The following SPECC1L variants were observed in gnomAD, a reference collection of about 807,000 sequenced individuals.
SPECC1L encodes the protein cytospin-A.
In SPECC1L, 40 loss-of-function variants were observed where a neutral mutation model predicts 116.8. The ratio of observed to expected loss-of-function variants is 0.34; its 90% CI spans 0.27 to 0.45. SPECC1L has a LOEUF of 0.45. SPECC1L is among the 20% of genes least tolerant of loss of function. The pLI, the probability that SPECC1L is intolerant of heterozygous loss-of-function variation, is 1.00. For missense variants in SPECC1L, 1,110 were observed against 1,373.6 expected (o/e 0.81, Z 3.03); for synonymous variants, 504 against 500.6 (o/e 1.01, Z -0.09).
rs765402107 is a variant in SPECC1L at position 24,340,140 on chromosome 22, C to CTTTTTT, written c.2652+1684_2652+1689dup. Among the ~76,000 whole-genome samples, 20 of 105,140 alleles carry CTTTTTT rather than the reference C, an allele frequency of 1.9e-4. 1 individual carries two copies. The highest frequency in any genetic ancestry group is 5.5e-4 in the African/African-American group (12 of 21,728). 69.0% of individuals were successfully genotyped at this position (105,140 alleles called of 152,430 possible). A position where few individuals can be genotyped will look rare whatever the true frequency, so the allele number is the denominator to read the frequency against. On this transcript the variant is annotated intron_variant, in intron 10 of 16. Transcript: ENST00000314328. ...AATACTGTTCCACCAATTTAATGAC[C>CTTTTTT]TTTTTTTTTTTTTTTTTTTTTTTTT...
chr22:24,366,382 A>G (rs2041766920), intron 13 of SPECC1L, among the ~76,000 whole-genome samples: 1 of 151,908 alleles, frequency 6.6e-6, no homozygotes, highest in Non-Finnish European at 1.5e-5. Context: ...TTTAGTAGAG[A>G]TGGGGTTTCA....
intron 6 of SPECC1L, 104 bp downstream of exon 6, chr22:24,324,531 C>A: frequency 9.5e-7 from 1 of 1,057,624 alleles, no homozygotes; most frequent in Non-Finnish European, 1.4e-6. Flanking sequence ...TGGCTCATGC[C>A]TGTAATTCCA....
At chr22:24,317,160 C>A (rs1454767958) in intron 4 of SPECC1L, among the ~76,000 whole-genome samples, 1 of 94,234 alleles carries the variant, frequency 1.1e-5, no homozygotes, top group African/African-American at 4.2e-5. Context: ...CCCTCCCGGA[C>A]GGGGCGGCTG....
At chr22:24,331,054 A>C (rs1030736057) in intron 8 of SPECC1L, among the ~76,000 whole-genome samples, 5 of 152,208 alleles carry the variant, frequency 3.3e-5, no homozygotes, top group South Asian at 2.1e-4. Context: ...TAATTGCATG[A>C]ATCTCCACAG....
At chr22:24,393,092 A>G (rs1038950656) in intron 14 of SPECC1L, among the ~76,000 whole-genome samples, 2 of 152,232 alleles carry the variant, frequency 1.3e-5, no homozygotes, top group Non-Finnish European at 2.9e-5. Context: ...TTGTCAAGGC[A>G]GTTACAAGGG....
At chr22:24,414,050 C>A (rs531926592) in intron 16 of SPECC1L, among the ~76,000 whole-genome samples, 1 of 152,174 alleles carries the variant, frequency 6.6e-6, no homozygotes, top group Non-Finnish European at 1.5e-5. Flanking sequence ...AGGTCACTGG[C>A]GTTCAGCAGA....
chr22:24,276,731 T>C lies in SPECC1L; in HGVS notation c.-110T>C, dbSNP rs1451751077. 1.3e-5 allele frequency: 6 copies of C among 453,230 alleles called. No homozygotes were observed. Among genetic ancestry groups the C allele is most frequent in the South Asian group, 9.3e-5 (6 of 64,342 alleles). The allele number at this position is 453,230 out of a possible 1,614,324, so 28.1% of individuals were successfully genotyped here. A position where few individuals can be genotyped will look rare whatever the true frequency, so the allele number is the denominator to read the frequency against. ...TGGGGAAGATCCCGACTAAGCCATT[T>C]TCCAGTGGCACCTCTTCCATCATGA... On this transcript the variant is annotated 5_prime_UTR_variant, in exon 2 of 17. Coordinates refer to ENST00000314328, the MANE Select transcript of SPECC1L (RefSeq NM_015330.6).
At chr22:24,386,986 G>A (rs1012095766) in intron 14 of SPECC1L, among the ~76,000 whole-genome samples, 7 of 152,126 alleles carry the variant, frequency 4.6e-5, no homozygotes, top group Non-Finnish European at 5.9e-5. Context: ...GACACAGAAA[G>A]CCTGATTTAA....
chr22:24,361,668 C>A (rs1279872286), intron 11 of SPECC1L, among the ~76,000 whole-genome samples: 1 of 151,794 alleles, frequency 6.6e-6, no homozygotes, highest in Non-Finnish European at 1.5e-5. Flanking sequence ...TGGTGGCTCA[C>A]ACCTGTAGTC....
chr22:24,323,216 C>A, intron 5 of SPECC1L: 1 of 623,442 alleles, frequency 1.6e-6, no homozygotes, highest in Non-Finnish European at 2.0e-6. Context: ...TCCTATGGAG[C>A]GGGTCATGAA....
chr22:24,302,393 G>A lies in SPECC1L; in HGVS notation c.153+9G>A, dbSNP rs573795965. 8 of 1,613,798 alleles carry A rather than the reference G, an allele frequency of 5.0e-6. No homozygotes were observed. The highest frequency in any genetic ancestry group is 6.8e-6 in the Non-Finnish European group (8 of 1,179,890). ...CAGCATCATTGTCAAAGGTATTCATGTGATGTTTGAATACATGATGGGTTT... is the reference window on the plus strand; with the variant it reads ...CAGCATCATTGTCAAAGGTATTCATATGATGTTTGAATACATGATGGGTTT... On this transcript the variant is annotated intron_variant, in intron 3 of 16. Transcript: ENST00000314328.
intron 4 of SPECC1L, among the ~76,000 whole-genome samples, chr22:24,320,757 G>A (rs1478982021): frequency 6.6e-6 from 1 of 152,158 alleles, no homozygotes; most frequent in Non-Finnish European, 1.5e-5. Flanking sequence ...AAACTATTTT[G>A]CATTTACTTT....
chr22:24,375,235 T>A (rs2041949308), intron 14 of SPECC1L, among the ~76,000 whole-genome samples: 1 of 152,198 alleles, frequency 6.6e-6, no homozygotes, highest in Admixed American at 6.5e-5. Flanking sequence ...TACTGGTTAA[T>A]TCTTCCAAAT....
intron 2 of SPECC1L, among the ~76,000 whole-genome samples, chr22:24,299,884 C>T (rs1209826905): frequency 6.6e-6 from 1 of 152,120 alleles, no homozygotes; most frequent in Non-Finnish European, 1.5e-5. Context: ...TAGCCAGCCT[C>T]TATACTCCCT....
chr22:24,390,852 C>CTTTTTTTTTTT (rs60006066), intron 14 of SPECC1L, among the ~76,000 whole-genome samples: 58 of 48,460 alleles, frequency 1.2e-3, no homozygotes, highest in African/African-American at 1.7e-3. Context: ...GCCTGTGTTC[C>CTTTTTTTTTTT]TTTTTTTTTT....
intron 11 of SPECC1L, among the ~76,000 whole-genome samples, chr22:24,357,820 G>A (rs1219002799): frequency 6.6e-6 from 1 of 151,848 alleles, no homozygotes; most frequent in Non-Finnish European, 1.5e-5. Context: ...GTTTTAGGCT[G>A]TCCTTTGCAT....
At chr22:24,311,708 G>A (rs531682812) in intron 3 of SPECC1L, among the ~76,000 whole-genome samples, 1 of 151,704 alleles carries the variant, frequency 6.6e-6, no homozygotes, top group Admixed American at 6.6e-5. Context: ...AGGAGGCTGA[G>A]GTGGGAGAAT....
intron 9 of SPECC1L, among the ~76,000 whole-genome samples, chr22:24,336,404 A>C (rs1206729344): frequency 1.3e-5 from 2 of 152,078 alleles, no homozygotes. Context: ...GTTAGTGGCC[A>C]CCTCTGGGTA....
At chr22:24,296,021 T>C (rs548128276) in intron 2 of SPECC1L, among the ~76,000 whole-genome samples, 226 of 152,308 alleles carry the variant, frequency 1.5e-3, no homozygotes, top group Non-Finnish European at 2.8e-3. Context: ...CAGGTTGAGC[T>C]GTGTAGTTTT....
Sources: gnomAD v4.1 joint callset for allele counts (sites outside exome capture counted in the v4.1 genomes callset) on GRCh38, gnomAD v4.1.1 for gene constraint, MANE v1.5 for transcripts, NCBI Gene and HGNC (gene_info 2026-07-23, HGNC 2026-07-21) for gene names.